Variants in PTPN2 observed in about 807,000 individuals in gnomAD.
PTPN2 encodes tyrosine-protein phosphatase non-receptor type 2.
Under a neutral mutation model 57.3 loss-of-function variants are expected in PTPN2, and 19 were observed. That is an observed-to-expected ratio of 0.33 (90% CI 0.23 to 0.49). The LOEUF is 0.49. Among genes scored for constraint, PTPN2 ranks in the 20% least tolerant of loss-of-function variants. The pLI is 0.99. For missense variants in PTPN2, 358 were observed against 501.1 expected, an observed-to-expected ratio of 0.71 and a Z score of 2.73; for synonymous variants, 153 against 164.9, an observed-to-expected ratio of 0.93 and a Z score of 0.55.
At chr18:12,882,360 C>G (rs4797709) in intron 1 of PTPN2, among the ~76,000 whole-genome samples, 104,882 of 152,132 alleles carry the variant, frequency 0.69, 37,596 homozygotes, top group African/African-American at 0.88. Context: ...TTTGAAAATG[C>G]ATGTGAAATC....
At chr18:12,805,954 T>G (rs560391491) in intron 7 of PTPN2, among the ~76,000 whole-genome samples, 1 of 152,156 alleles carries the variant, frequency 6.6e-6, no homozygotes, top group South Asian at 2.1e-4. Context: ...ACACTTTTAT[T>G]CAGCATAATA....
intron 1 of PTPN2, chr18:12,883,484 G>A (rs1219931823): frequency 1.3e-5 from 2 of 152,158 alleles, no homozygotes; most frequent in South Asian, 2.1e-4. Flanking sequence ...CCTCGCAGAG[G>A]GCTGCGGCGG....
chr18:12,854,360 G>GA (rs11460042), intron 2 of PTPN2, among the ~76,000 whole-genome samples: 15,974 of 119,172 alleles, frequency 0.13, 1,347 homozygotes, highest in East Asian at 0.24. Flanking sequence ...ACCCTGTCTT[G>GA]AAAAAAAAAA....
rs1479911973 is a variant in PTPN2 at position 12,884,173 on chromosome 18, C to G, written c.-32G>C. On this transcript the variant is annotated 5_prime_UTR_variant, in exon 1 of 9. Transcript: ENST00000309660. ...GGGAGCGAGCTGGCGCGAGCAGAGC[C>G]TGCGCCGGCGGAGAGGCTCAGGCCC... 2 of 1,552,520 alleles carry G rather than the reference C, an allele frequency of 1.3e-6. No individual in the cohort carries two copies. The highest frequency in any genetic ancestry group is 2.4e-5 in the South Asian group (2 of 84,646).
intron 8 of PTPN2, among the ~76,000 whole-genome samples, chr18:12,798,871 C>G (rs940828917): frequency 6.6e-6 from 1 of 152,014 alleles, no homozygotes. Context: ...TATACTCCCA[C>G]CAACAGTGTT....
chr18:12,869,327 A>G (rs1374971364), intron 1 of PTPN2, among the ~76,000 whole-genome samples: 1 of 152,080 alleles, frequency 6.6e-6, no homozygotes, highest in Non-Finnish European at 1.5e-5. Flanking sequence ...CAGGCACACC[A>G]CCATGCCTGG....
At chr18:12,790,546 C>CAATA (rs1442263910), downstream of PTPN2, among the ~76,000 whole-genome samples, 1 of 152,126 alleles carries the variant, frequency 6.6e-6, no homozygotes, top group African/African-American at 2.4e-5. Context: ...TTCAGGCTAA[C>CAATA]AATAACTACT....
At chr18:12,856,240 G>T (rs532316425) in intron 2 of PTPN2, among the ~76,000 whole-genome samples, 1 of 152,332 alleles carries the variant, frequency 6.6e-6, no homozygotes, top group African/African-American at 2.4e-5. Context: ...TGCCAAGGCG[G>T]TGTGGGGATG....
chr18:12,880,302 G>A (rs190567502), intron 1 of PTPN2, among the ~76,000 whole-genome samples: 71 of 152,320 alleles, frequency 4.7e-4, no homozygotes, highest in Middle Eastern at 3.4e-3. Flanking sequence ...GGGAAATCAA[G>A]CAAGAGACAC....
At chr18:12,877,098 G>C (rs2044516128) in intron 1 of PTPN2, among the ~76,000 whole-genome samples, 1 of 152,122 alleles carries the variant, frequency 6.6e-6, no homozygotes, top group Admixed American at 6.5e-5. Flanking sequence ...TGTTTCCTCA[G>C]CCATAAATGA....
At position 12,808,537 on chromosome 18, in the gene PTPN2, T is replaced by C. The variant is rs112163805; in HGVS notation, c.858+5666A>G. ...GGCTCACGCCTGTAATCCCAACACT[T>C]TGGGAGGCTGAGGCAGGTGGATCAA... On this transcript the variant is annotated intron_variant, in intron 7 of 8. Transcript: ENST00000309660. Among the ~76,000 whole-genome samples the C allele has an allele frequency of 1.6e-4, 24 of 152,260 alleles. 1 individual carries two copies. The highest frequency in any genetic ancestry group is 5.8e-4 in the African/African-American group (24 of 41,544).
At chr18:12,847,525 T>C (rs767893047) in intron 2 of PTPN2, among the ~76,000 whole-genome samples, 1 of 152,164 alleles carries the variant, frequency 6.6e-6, no homozygotes, top group Non-Finnish European at 1.5e-5. Context: ...CTAGTTCTTC[T>C]TCCTTGGAAC....
At chr18:12,866,801 G>A (rs555176887) in intron 1 of PTPN2, among the ~76,000 whole-genome samples, 3 of 152,000 alleles carry the variant, frequency 2.0e-5, no homozygotes, top group Non-Finnish European at 2.9e-5. Context: ...TCAGGAGATC[G>A]AGACCATCCT....
downstream of PTPN2, chr18:12,788,079 C>G (rs1460664682): frequency 6.5e-6 from 1 of 154,804 alleles, no homozygotes; most frequent in African/African-American, 2.4e-5. Context: ...GTTCCCGCTC[C>G]TGAATTAACT....
chr18:12,825,092 CCAAT>C (rs1466604524), intron 5 of PTPN2, among the ~76,000 whole-genome samples: 1 of 151,788 alleles, frequency 6.6e-6, no homozygotes, highest in Non-Finnish European at 1.5e-5. Context: ...TCTCAAAAAA[CCAAT>C]CAACCAACCA....
chr18:12,818,090 A>G (rs1031254850), intron 5 of PTPN2, among the ~76,000 whole-genome samples: 1 of 152,204 alleles, frequency 6.6e-6, no homozygotes, highest in Non-Finnish European at 1.5e-5. Context: ...TGCAGTGAGC[A>G]GAGATCGTGC....
At chr18:12,848,936 A>G (rs1466004595) in intron 2 of PTPN2, among the ~76,000 whole-genome samples, 1 of 152,186 alleles carries the variant, frequency 6.6e-6, no homozygotes, top group Non-Finnish European at 1.5e-5. Flanking sequence ...TTTCTTTCCA[A>G]TCCTTATGGC....
chr18:12,860,932 T>A (rs1191916071), intron 1 of PTPN2, among the ~76,000 whole-genome samples: 1 of 152,192 alleles, frequency 6.6e-6, no homozygotes, highest in African/African-American at 2.4e-5. Flanking sequence ...AGCATTTTAA[T>A]AGGAAAAATT....
rs540619242 is a variant in PTPN2 at position 12,884,011 on chromosome 18, G to T, written c.69+62C>A. On this transcript the variant is annotated intron_variant, in intron 1 of 8. Coordinates refer to ENST00000309660, the MANE Select transcript of PTPN2 (RefSeq NM_002828.4). ...CGGGGGAGGCGGGAGGGACCCTGCG[G>T]ACAGGGCACGAGTCCGGGTCTCGGA... The T allele has an allele frequency of 3.5e-4, 496 of 1,419,558 alleles. 2 individuals are homozygous for T. In the African/African-American group the frequency reaches 6.5e-3, roughly 19 times the overall value. The allele number at this position is 1,419,558 out of a possible 1,614,324, so 87.9% of individuals were successfully genotyped here.
Sources: allele counts gnomAD v4.1 joint callset (sites outside exome capture counted in the v4.1 genomes callset), GRCh38; gene constraint gnomAD v4.1.1; transcripts MANE v1.5; gene names NCBI Gene and HGNC (gene_info 2026-07-23, HGNC 2026-07-21).